The following ATRAID variants were observed in gnomAD, a reference collection of about 807,000 sequenced individuals.
ATRAID encodes all-trans retinoic acid induced differentiation factor.
A neutral mutation model predicts 28.8 loss-of-function variants in ATRAID; 26 were observed. That is an observed-to-expected ratio of 0.90 (90% CI 0.66 to 1.25). The LOEUF is 1.25. Ranked by LOEUF, ATRAID falls within the 50% of genes most tolerant of loss-of-function variation. The pLI, the probability that ATRAID is intolerant of heterozygous loss-of-function variation, is 0.00. For synonymous variants in ATRAID, 131 were observed against 108.5 expected (o/e 1.21, Z -1.29); for missense variants, 308 against 285.9 (o/e 1.08, Z -0.56).
chr2:27,215,576 AG>A (rs760837999), intron 4 of ATRAID, 31 bp downstream of exon 4: 9 of 1,614,202 alleles, frequency 5.6e-6, no homozygotes, highest in Admixed American at 5.0e-5. Flanking sequence ...AGAATCAAAG[AG>A]GGATGATGCT....
chr2:27,212,411 T>C lies in ATRAID; in HGVS notation c.43T>C (p.Trp15Arg). The change falls in exon 1 of 7, where the codon TGG (tryptophan) becomes CGG (arginine). Residue 15 changes from tryptophan (W) to arginine (R), a missense_variant. Physicochemically the swap from Trp to Arg is moderately radical, Grantham distance 101. Transcript: ENST00000380171. ...DPGSLTTLVP[W>R]AAALLLALGV... ...GGGTAGTCTTACGACCCTGGTGCCC[T>C]GGGCTGCCGCCCTGCTCCTCGCTCT... The C allele has an allele frequency of 1.9e-6, 3 of 1,553,122 alleles. No individual in the cohort carries two copies. The highest frequency in any genetic ancestry group is 2.6e-6 in the Non-Finnish European group (3 of 1,148,654).
In ATRAID at chr2:27,213,208, A is replaced by C; in HGVS notation, c.131A>C (p.Asn44Thr). The change falls in exon 2 of 7, where the codon AAT becomes ACT. Residue 44 changes from asparagine (N) to threonine (T), a missense_variant. Transcript: ENST00000380171. Reference sequence around the variant, plus strand: ...ACCCAATGTCCAGGGAGCGTGCAAAATTTGTCAAAAGTGGCCTTTTATTGT... The same window carrying C: ...ACCCAATGTCCAGGGAGCGTGCAAACTTTGTCAAAAGTGGCCTTTTATTGT... ...ICTQCPGSVQ[N>T]LSKVAFYCKT... 6.2e-7 allele frequency: 1 copy of C among 1,614,070 alleles called. No individual in the cohort carries two copies. Among genetic ancestry groups the C allele is most frequent in the Non-Finnish European group, 8.5e-7 (1 of 1,180,010 alleles).
chr2:27,215,691 CTT>C lies in ATRAID; in HGVS notation c.426_427del (p.Ile144ArgfsTer14), dbSNP rs1491226907. 6.2e-7 allele frequency: 1 copy of C among 1,614,248 alleles called. No homozygotes were observed. On this transcript the variant is annotated frameshift_variant, in exon 5 of 7. Transcript: ENST00000380171. LOFTEE classifies it high-confidence loss of function. ...ATTAATGCCTGGAATACTATCACCT[CTT>C]ATATAGACAACCAAATCTGTCAAGG...
chr2:27,216,312 A>C, intron 5 of ATRAID: 1 of 556,118 alleles, frequency 1.8e-6, no homozygotes, highest in Non-Finnish European at 3.2e-6. Context: ...GCTTCAGACC[A>C]TCTGGATGTA....
At position 27,212,468 on chromosome 2, in the gene ATRAID, G is replaced by A. The variant is rs79602377; in HGVS notation, c.99+1G>A. ...GGAAAGGGCTCTGGCGCTACCCGAG[G>A]TACAGAAGCAAGTTTGAGGTCGGGC... On this transcript the variant is annotated splice_donor_variant, in intron 1 of 6. Coordinates refer to ENST00000380171, the MANE Select transcript of ATRAID (RefSeq NM_001170795.4). LOFTEE classifies it high-confidence loss of function. 2 of 1,561,130 alleles carry A rather than the reference G, an allele frequency of 1.3e-6. No homozygotes were observed. Among genetic ancestry groups the A allele is most frequent in the Middle Eastern group, 1.7e-4 (1 of 5,964 alleles).
chr2:27,213,299 G>A lies in ATRAID; in HGVS notation c.221+1G>A. On this transcript the variant is annotated splice_donor_variant, in intron 2 of 6. Coordinates refer to ENST00000380171, the MANE Select transcript of ATRAID (RefSeq NM_001170795.4). LOFTEE classifies it high-confidence loss of function. ...TGAATCAGAAGGGCACCATCTTGGG[G>A]TGAGGGGAAGACATCCCTAGATGCT... 1 of 1,613,100 alleles carries A rather than the reference G, an allele frequency of 6.2e-7. No homozygotes were observed. Among genetic ancestry groups the A allele is most frequent in the South Asian group, 1.1e-5 (1 of 91,078 alleles).
rs144459824 is a variant in ATRAID at position 27,215,502 on chromosome 2, G to A, written c.322G>A (p.Asp108Asn). 1,175 of 1,614,222 alleles carry A rather than the reference G, an allele frequency of 7.3e-4. 2 individuals carry two copies. Among genetic ancestry groups the A allele is most frequent in the Non-Finnish European group, 9.2e-4 (1,080 of 1,180,034 alleles). The part of the protein sequence containing the change: ...IDLQANPLKG[D>N]LANTFRGFTQ... ...CCTGCAAGCAAACCCCCTCAAAGGT[G>A]ACTTGGCCAACACCTTCCGTGGCTT... The change falls in exon 4 of 7, where the codon GAC becomes AAC. Residue 108 changes from aspartate to asparagine, a missense_variant. Asp to Asn is a conservative substitution (Grantham distance 23). Coordinates refer to ENST00000380171, the MANE Select transcript of ATRAID (RefSeq NM_001170795.4).
At chr2:27,213,136 C>T (rs370353920) in intron 1 of ATRAID, 41 bp from the exon 2 acceptor site, 11 of 1,588,190 alleles carry the variant, frequency 6.9e-6, no homozygotes, top group Non-Finnish European at 9.5e-6. Flanking sequence ...CTTTTCTTGG[C>T]TTTTCTTTCT....
At chr2:27,212,841 T>C in intron 1 of ATRAID, 1 of 480,692 alleles carries the variant, frequency 2.1e-6, no homozygotes, top group Admixed American at 4.2e-5. Context: ...CCTGCGGTCG[T>C]TTTACACCGC....
intron 2 of ATRAID, among the ~76,000 whole-genome samples, chr2:27,214,929 G>A (rs950175935): frequency 1.7e-4 from 26 of 148,836 alleles, no homozygotes; most frequent in African/African-American, 5.8e-4. Context: ...CTTGAAATAC[G>A]GCTAGTGCAA....
At position 27,212,133 on chromosome 2, in the gene ATRAID, G is replaced by C; in HGVS notation, c.-236G>C. 1 of 1,506,894 alleles carries C rather than the reference G, an allele frequency of 6.6e-7. No homozygotes were observed. The highest frequency in any genetic ancestry group is 1.3e-5 in the South Asian group (1 of 78,330). The allele number at this position is 1,506,894 out of a possible 1,614,324, so 93.3% of individuals were successfully genotyped here. A position where few individuals can be genotyped will look rare whatever the true frequency, so the allele number is the denominator to read the frequency against. Reference sequence around the variant, plus strand: ...CGGCTCCGGGAAGCCGCGCGGCGACGGGGGAGGCCTTCACTAAAGGGGAAA... The same window carrying C: ...CGGCTCCGGGAAGCCGCGCGGCGACCGGGGAGGCCTTCACTAAAGGGGAAA... On this transcript the variant is annotated 5_prime_UTR_variant, in exon 1 of 7. Transcript: ENST00000380171.
In ATRAID at chr2:27,212,086, C is replaced by T. The variant is rs1674574188; in HGVS notation, c.-283C>T. ...CCTCGGCGTCCGGACGCGGGGAACA[C>T]CGGGCTGAGGGAGTCTGCAGTCGGC... is the stretch of plus-strand genomic sequence containing the variant. On this transcript the variant is annotated 5_prime_UTR_variant, in exon 1 of 7. Transcript: ENST00000380171. The T allele has an allele frequency of 1.5e-6, 2 of 1,366,408 alleles. No homozygotes were observed. The highest frequency in any genetic ancestry group is 1.9e-6 in the Non-Finnish European group (2 of 1,029,386). 84.6% of individuals were successfully genotyped at this position (1,366,408 alleles called of 1,614,324 possible).
chr2:27,215,349 G>T lies in ATRAID; in HGVS notation c.250G>T (p.Asp84Tyr). The change falls in exon 3 of 7, where the codon GAC (aspartate) becomes TAC (tyrosine). Residue 84 changes from aspartate (D) to tyrosine (Y), a missense_variant. Transcript: ENST00000380171. ...GLDLQNCSLE[D>Y]PGPNFHQAHT... is the part of the protein sequence containing the mutation. ...GGATCTCCAGAACTGTTCTCTGGAG[G>T]ACCCTGGTCCAAACTTTCATCAGGC... The T allele has an allele frequency of 6.2e-7, 1 of 1,614,176 alleles. No individual in the cohort carries two copies. Among genetic ancestry groups the T allele is most frequent in the Non-Finnish European group, 8.5e-7 (1 of 1,180,040 alleles).
At chr2:27,215,452 G>A (rs1266583987) in intron 3 of ATRAID, 22 bp from the exon 4 acceptor site, 2 of 1,614,166 alleles carry the variant, frequency 1.2e-6, no homozygotes, top group Admixed American at 1.7e-5. Context: ...ATGCGAAAGT[G>A]CTAACATTGT....
intron 1 of ATRAID, chr2:27,212,757 C>CT (rs1373379558): frequency 1.1e-6 from 1 of 872,566 alleles, no homozygotes; most frequent in East Asian, 3.5e-5. Flanking sequence ...TGTGTAATCT[C>CT]TCTACGCACG....
rs1292153116 is a variant in ATRAID at position 27,215,810 on chromosome 2, ACTTTAGAT to A, written c.487+59_487+66del. 7 of 1,584,518 alleles carry A rather than the reference ACTTTAGAT, an allele frequency of 4.4e-6. No homozygotes were observed. In the African/African-American group the frequency reaches 8.1e-5, roughly 18 times the overall value. ...TTGTCTTTTCTCCCTTGTATTTTCCACTTTAGATCAGAAAGACAAAGTTGCTTAAGCGC... is the reference window on the plus strand; with the variant it reads ...TTGTCTTTTCTCCCTTGTATTTTCCACAGAAAGACAAAGTTGCTTAAGCGC... On this transcript the variant is annotated intron_variant, in intron 5 of 6. Transcript: ENST00000380171.
At chr2:27,212,602 A>T in intron 1 of ATRAID, 135 bp downstream of exon 1, 1 of 1,438,940 alleles carries the variant, frequency 6.9e-7, no homozygotes, top group South Asian at 1.5e-5. Context: ...GACCCTGCCC[A>T]GCCAGGTCCT....
chr2:27,212,110 G>C lies in ATRAID; in HGVS notation c.-259G>C, dbSNP rs1674577522. 1 of 1,488,528 alleles carries C rather than the reference G, an allele frequency of 6.7e-7. No individual in the cohort carries two copies. Among genetic ancestry groups the C allele is most frequent in the Admixed American group, 2.6e-5 (1 of 38,820 alleles). 92.2% of individuals were successfully genotyped at this position (1,488,528 alleles called of 1,614,324 possible). A position where few individuals can be genotyped will look rare whatever the true frequency, so the allele number is the denominator to read the frequency against. ...ACCGGGCTGAGGGAGTCTGCAGTCG[G>C]CTCCGGGAAGCCGCGCGGCGACGGG... On this transcript the variant is annotated 5_prime_UTR_variant, in exon 1 of 7. Coordinates refer to ENST00000380171, the MANE Select transcript of ATRAID (RefSeq NM_001170795.4).
Position 27,216,884 on chromosome 2 carries a change from C to T in ATRAID, c.626C>T (p.Ala209Val), listed in dbSNP as rs1331395217. 6.2e-7 allele frequency: 1 copy of T among 1,614,122 alleles called. No individual in the cohort carries two copies. Among genetic ancestry groups the T allele is most frequent in the Non-Finnish European group, 8.5e-7 (1 of 1,179,998 alleles). ...CTTATGTTCTTCGGGATTCTGGGAGCCACCACTCTATCCGTCTCCATTCTG... is the reference window on the plus strand; with the variant it reads ...CTTATGTTCTTCGGGATTCTGGGAGTCACCACTCTATCCGTCTCCATTCTG... ...SLLMFFGILG[A>V]TTLSVSILLW... is the part of the protein sequence containing the mutation. Residue 209 changes from alanine (A) to valine (V), a missense_variant, in exon 7 of 7, where the codon GCC becomes GTC. Coordinates refer to ENST00000380171, the MANE Select transcript of ATRAID (RefSeq NM_001170795.4).
Sources: gnomAD v4.1 joint callset for allele counts (sites outside exome capture counted in the v4.1 genomes callset) on GRCh38, gnomAD v4.1.1 for gene constraint, MANE v1.5 for transcripts, NCBI Gene and HGNC (gene_info 2026-07-23, HGNC 2026-07-21) for gene names.